AVEN: variants seen among roughly 807,000 people sequenced by gnomAD.
AVEN encodes the protein cell death regulator Aven.
AVEN carries 41 observed loss-of-function variants against 38.1 expected under a neutral mutation model. The ratio of observed to expected loss-of-function variants is 1.08; its 90% CI spans 0.84 to 1.40. The LOEUF is 1.40. AVEN is among the 40% of genes most tolerant of loss of function. AVEN has a pLI of 0.00. For synonymous variants in AVEN, 206 were observed against 171.8 expected (o/e 1.20, Z -1.56); for missense variants, 605 against 438.8 (o/e 1.38, Z -3.38).
At chr15:33,891,849 A>C (rs915138988) in intron 2 of AVEN, among the ~76,000 whole-genome samples, 1 of 152,186 alleles carries the variant, frequency 6.6e-6, no homozygotes, top group Non-Finnish European at 1.5e-5. Context: ...CCCACCAACA[A>C]AGTAAAAGCA....
At chr15:34,037,763 C>T (rs1899215986) in intron 1 of AVEN, among the ~76,000 whole-genome samples, 1 of 151,838 alleles carries the variant, frequency 6.6e-6, no homozygotes, top group African/African-American at 2.4e-5. Flanking sequence ...AAGTTTTATA[C>T]TTTTTTTTCC....
intron 2 of AVEN, 56 bp downstream of exon 2, chr15:34,002,971 TATAAA>T: frequency 2.2e-6 from 3 of 1,384,996 alleles, no homozygotes; most frequent in Non-Finnish European, 3.0e-6. Flanking sequence ...TAAAAACATA[TATAAA>T]ATGTCTGTGC....
At chr15:33,880,594 T>C (rs1354349516) in intron 2 of AVEN, among the ~76,000 whole-genome samples, 1 of 152,192 alleles carries the variant, frequency 6.6e-6, no homozygotes, top group African/African-American at 2.4e-5. Context: ...TCTCTGATTC[T>C]GCCTACAAGC....
chr15:33,871,309 G>A (rs1386277935), intron 3 of AVEN, among the ~76,000 whole-genome samples: 9 of 152,126 alleles, frequency 5.9e-5, no homozygotes, highest in South Asian at 2.1e-4. Flanking sequence ...GCTCATGCCC[G>A]TAATCCCAGC....
downstream of AVEN, chr15:33,855,756 T>C (rs1310211991): frequency 6.6e-6 from 1 of 152,182 alleles, no homozygotes; most frequent in Non-Finnish European, 1.5e-5. Context: ...TTAATACATA[T>C]TATATAGTTA....
Position 34,057,299 on chromosome 15 carries a change from G to C in AVEN, n.1637+5623C>G, listed in dbSNP as rs541777679. ...ATATAGGCACATGCCACCACGCCCA[G>C]CTAATTTTTTTTTTTTGTATTTTTA... is the stretch of plus-strand genomic sequence containing the variant. On this transcript the variant is annotated intron_variant and non_coding_transcript_variant, in intron 5 of 11. Transcript: ENST00000675287. 4.0e-4 allele frequency among the ~76,000 whole-genome samples: 23 copies of C among 57,694 alleles called. No homozygotes were observed. In the South Asian group the frequency reaches 0.017, roughly 44 times the overall value. The allele number at this position is 57,694 out of a possible 152,430, so 37.8% of individuals were successfully genotyped here. A position where few individuals can be genotyped will look rare whatever the true frequency, so the allele number is the denominator to read the frequency against.
At chr15:33,859,290 C>T (rs938317121) in intron 11 of AVEN, among the ~76,000 whole-genome samples, 3 of 152,262 alleles carry the variant, frequency 2.0e-5, no homozygotes, top group Admixed American at 1.3e-4. Flanking sequence ...AGGCCATACT[C>T]ATCAAGGCTT....
chr15:33,946,689 T>C (rs1430760310), intron 2 of AVEN, among the ~76,000 whole-genome samples: 1 of 152,110 alleles, frequency 6.6e-6, no homozygotes, highest in Non-Finnish European at 1.5e-5. Flanking sequence ...AAGTGAGTGA[T>C]GCACAGGACA....
At position 34,060,235 on chromosome 15, in the gene AVEN, GGT is replaced by G. The variant is rs540768852; in HGVS notation, n.1637+2685_1637+2686del. On this transcript the variant is annotated intron_variant and non_coding_transcript_variant, in intron 5 of 11. Transcript: ENST00000675287. The stretch of plus-strand genomic sequence containing the variant: ...GTATTATAGGTATAAGCTGACAGTT[GGT>G]AGCAGCAGGAATGGAGAGGGACCAA... Among the ~76,000 whole-genome samples, 528 of 152,240 alleles carry G rather than the reference GGT, an allele frequency of 3.5e-3. 1 individual carries two copies. The highest frequency in any genetic ancestry group is 0.014 in the South Asian group (67 of 4,822).
chr15:33,858,062 A>C (rs1338012006), downstream of AVEN: 7 of 1,032,496 alleles, frequency 6.8e-6, no homozygotes, highest in Non-Finnish European at 9.6e-6. Flanking sequence ...TAGAAGACAG[A>C]TGTCTTCTCC....
At chr15:34,068,802 C>T (rs1900569924) in intron 2 of AVEN, among the ~76,000 whole-genome samples, 1 of 143,162 alleles carries the variant, frequency 7.0e-6, no homozygotes, top group African/African-American at 2.6e-5. Context: ...TTTAAGAGCA[C>T]CTACAATCCA....
the AVEN span, chr15:33,852,774 T>G: frequency 1.9e-5 from 7 of 368,160 alleles, no homozygotes; most frequent in Non-Finnish European, 3.0e-5. Flanking sequence ...TAATCTGTCA[T>G]CACAATTCTT....
chr15:34,064,067 C>T (rs1900443611), intron 4 of AVEN: 1 of 1,614,188 alleles, frequency 6.2e-7, no homozygotes, highest in East Asian at 2.2e-5. Context: ...TTCTCCTGGC[C>T]TTCATCATCA....
intron 1 of AVEN, among the ~76,000 whole-genome samples, chr15:34,024,276 C>T (rs1269160725): frequency 1.3e-5 from 2 of 152,052 alleles, no homozygotes; most frequent in African/African-American, 4.8e-5. Flanking sequence ...ACATAAGACA[C>T]CATCACTTCA....
At chr15:34,071,038 G>T (rs145647117) in intron 1 of AVEN, among the ~76,000 whole-genome samples, 2 of 152,212 alleles carry the variant, frequency 1.3e-5, no homozygotes, top group Non-Finnish European at 2.9e-5. Context: ...ATTTTATATG[G>T]CTCTTGAACA....
chr15:33,990,139 G>T (rs1896656345), intron 2 of AVEN, among the ~76,000 whole-genome samples: 1 of 152,074 alleles, frequency 6.6e-6, no homozygotes, highest in South Asian at 2.1e-4. Context: ...GGGAGGCAGA[G>T]GTTGCAGTGA....
intron 1 of AVEN, among the ~76,000 whole-genome samples, chr15:34,013,884 C>A (rs562770367): frequency 7.2e-5 from 11 of 152,282 alleles, no homozygotes; most frequent in African/African-American, 2.2e-4. Context: ...GACTCACGGC[C>A]TGAGATGAGC....
chr15:34,025,672 G>C (rs916971003), intron 1 of AVEN, among the ~76,000 whole-genome samples: 2 of 152,122 alleles, frequency 1.3e-5, no homozygotes, highest in African/African-American at 4.8e-5. Flanking sequence ...AAGTGTTTAG[G>C]GGTAAAGACG....
At chr15:34,073,484 C>T (rs1900671093) in intron 1 of AVEN, among the ~76,000 whole-genome samples, 1 of 150,130 alleles carries the variant, frequency 6.7e-6, no homozygotes, top group Admixed American at 6.7e-5. Flanking sequence ...CTTCGAGTAA[C>T]ATAGGGAGCT....
Sources: allele counts gnomAD v4.1 joint callset (sites outside exome capture counted in the v4.1 genomes callset), GRCh38; gene constraint gnomAD v4.1.1; transcripts MANE v1.5; gene names NCBI Gene and HGNC (gene_info 2026-07-23, HGNC 2026-07-21).